Variants in TTC7B observed in about 807,000 individuals in gnomAD.
The protein encoded by TTC7B is tetratricopeptide repeat protein 7B.
In TTC7B, 28 loss-of-function variants were observed where a neutral mutation model predicts 106.8. The observed-to-expected ratio is 0.26, with a 90% CI of 0.19 to 0.36. The LOEUF (loss-of-function observed/expected upper bound fraction) is 0.36, where lower values mean the gene tolerates loss of function less well. TTC7B is among the 10% of genes least tolerant of loss of function. The pLI, the probability that TTC7B is intolerant of heterozygous loss-of-function variation, is 1.00. For missense variants in TTC7B, 862 were observed against 1,076.4 expected (o/e 0.80, Z 2.79); for synonymous variants, 405 against 430.6 (o/e 0.94, Z 0.74).
chr14:90,665,836 C>T (rs779387649), intron 9 of TTC7B, among the ~76,000 whole-genome samples: 103 of 152,304 alleles, frequency 6.8e-4, no homozygotes, highest in East Asian at 1.3e-3. Flanking sequence ...GTATACTTCA[C>T]GAGTCAGTTA....
chr14:90,545,604 G>A (rs1445359068), intron 19 of TTC7B, among the ~76,000 whole-genome samples: 1 of 152,226 alleles, frequency 6.6e-6, no homozygotes, highest in East Asian at 1.9e-4. Flanking sequence ...GGAGGACCAG[G>A]GCCTTGGCCC....
At position 90,808,839 on chromosome 14, in the gene TTC7B, C is replaced by T. The variant is rs2030743226; in HGVS notation, c.121+7336G>A. On this transcript the variant is annotated intron_variant, in intron 1 of 19. Transcript: ENST00000328459. The surrounding 1 kb of genome is among the most constrained non-coding windows in gnomAD (Gnocchi z 4.2). The stretch of plus-strand genomic sequence containing the variant: ...GGGGCAGGAATCCACCCACGTGTGG[C>T]CAACGTGAATAAGAACCAAAGGCCA... 6.6e-6 allele frequency among the ~76,000 whole-genome samples: 1 copy of T among 152,222 alleles called. No homozygotes were observed. The highest frequency in any genetic ancestry group is 1.5e-5 in the Non-Finnish European group (1 of 68,042).
intron 5 of TTC7B, among the ~76,000 whole-genome samples, chr14:90,707,729 C>G (rs1566847635): frequency 6.6e-6 from 1 of 152,184 alleles, no homozygotes. Flanking sequence ...TAATCTAGAG[C>G]AAGGCCCTAA....
chr14:90,761,570 T>A (rs1890503601), intron 3 of TTC7B, among the ~76,000 whole-genome samples: 1 of 152,150 alleles, frequency 6.6e-6, no homozygotes, highest in African/African-American at 2.4e-5. Flanking sequence ...CCATCACCCA[T>A]GTGGCACAGC....
At position 90,624,107 on chromosome 14, in the gene TTC7B, T is replaced by TGCGCGC. The variant is rs1186043100; in HGVS notation, c.1752-6063_1752-6062insGCGCGC. Among the ~76,000 whole-genome samples, 1 of 151,510 alleles carries TGCGCGC rather than the reference T, an allele frequency of 6.6e-6. No homozygotes were observed. Among genetic ancestry groups the TGCGCGC allele is most frequent in the African/African-American group, 2.4e-5 (1 of 41,430 alleles). ...GTGCGTGTATATGTGTGCATGTGTG[T>TGCGCGC]GTGCGCGTGCGCGTGTGTGTGTTTT... On this transcript the variant is annotated intron_variant, in intron 15 of 19. Coordinates refer to ENST00000328459, the MANE Select transcript of TTC7B (RefSeq NM_001010854.2). The surrounding 1 kb of genome is among the most constrained non-coding windows in gnomAD (Gnocchi z 4.0).
At chr14:90,707,917 C>A (rs779690675) in intron 5 of TTC7B, among the ~76,000 whole-genome samples, 3 of 152,022 alleles carry the variant, frequency 2.0e-5, no homozygotes, top group African/African-American at 4.8e-5. Context: ...GAGGCCGAGG[C>A]GGGCGGATCA....
chr14:90,548,423 C>G (rs1218923452), intron 19 of TTC7B, among the ~76,000 whole-genome samples: 1 of 152,208 alleles, frequency 6.6e-6, no homozygotes, highest in East Asian at 1.9e-4. Context: ...ACAAGTAAAC[C>G]TGGGAGGACA....
chr14:90,752,180 T>C (rs868249226), intron 3 of TTC7B, among the ~76,000 whole-genome samples: 11 of 152,100 alleles, frequency 7.2e-5, no homozygotes, highest in African/African-American at 2.2e-4. Context: ...ACTAACAGAA[T>C]ATAGTATAAC....
chr14:90,738,951 C>T (rs960492176), intron 4 of TTC7B, among the ~76,000 whole-genome samples: 4 of 152,042 alleles, frequency 2.6e-5, no homozygotes, highest in African/African-American at 7.2e-5. Context: ...CTTCGGCCTG[C>T]GAGGTTAAAG....
intron 12 of TTC7B, among the ~76,000 whole-genome samples, chr14:90,654,525 A>G (rs1366115849): frequency 6.6e-6 from 1 of 152,170 alleles, no homozygotes; most frequent in Non-Finnish European, 1.5e-5. Flanking sequence ...CTGCACATGT[A>G]CATATCTACA....
rs115880300 is a variant in TTC7B, at chr14:90,690,603, A to T, written c.778-891T>A. On this transcript the variant is annotated intron_variant, in intron 6 of 19. Transcript: ENST00000328459. ...TAACAAAGAAGAGGATAAGTAATTT[A>T]AAAAAAAATCCCTCTGAAAAGAGAA... Among the ~76,000 whole-genome samples the T allele has an allele frequency of 9.1e-3, 1,379 of 151,714 alleles. 22 individuals carry two copies. The highest frequency in any genetic ancestry group is 0.032 in the African/African-American group (1,321 of 41,326).
At chr14:90,696,851 A>G (rs1397243526) in intron 5 of TTC7B, among the ~76,000 whole-genome samples, 1 of 152,232 alleles carries the variant, frequency 6.6e-6, no homozygotes, top group African/African-American at 2.4e-5. Flanking sequence ...AGAGACGTGA[A>G]TAAAGATTAG....
intron 4 of TTC7B, among the ~76,000 whole-genome samples, chr14:90,741,089 C>T (rs1325010285): frequency 1.3e-5 from 2 of 152,170 alleles, no homozygotes; most frequent in African/African-American, 4.8e-5. Flanking sequence ...CTAAAGGGGG[C>T]AAGGCCAGGG....
At chr14:90,602,089 T>TTAAGGGA in intron 17 of TTC7B, 1 of 455,926 alleles carries the variant, frequency 2.2e-6, no homozygotes, top group Non-Finnish European at 4.4e-6. Context: ...GAATCAACTC[T>TTAAGGGA]TAAGGGTGAG....
intron 15 of TTC7B, among the ~76,000 whole-genome samples, chr14:90,633,176 G>C (rs1173365128): frequency 6.6e-6 from 1 of 152,190 alleles, no homozygotes; most frequent in Non-Finnish European, 1.5e-5. Context: ...TGTGCATACA[G>C]CATCATGATC....
chr14:90,680,403 G>C, intron 8 of TTC7B, 69 bp downstream of exon 8: 1 of 1,167,206 alleles, frequency 8.6e-7, no homozygotes, highest in Non-Finnish European at 1.3e-6. Flanking sequence ...GATACTGGCA[G>C]AATGGCTATA....
chr14:90,544,999 G>A (rs1166201878), intron 19 of TTC7B, among the ~76,000 whole-genome samples: 1 of 152,196 alleles, frequency 6.6e-6, no homozygotes, highest in Non-Finnish European at 1.5e-5. Context: ...CAAGTGGAGG[G>A]TTTTTCCCCA....
At chr14:90,662,026 C>T (rs1886228281) in intron 9 of TTC7B, among the ~76,000 whole-genome samples, 1 of 152,170 alleles carries the variant, frequency 6.6e-6, no homozygotes, top group South Asian at 2.1e-4. Flanking sequence ...AGTAGAATCA[C>T]GGGATCCTGT....
intron 9 of TTC7B, among the ~76,000 whole-genome samples, chr14:90,667,984 A>G (rs1184981599): frequency 1.3e-5 from 2 of 152,182 alleles, no homozygotes; most frequent in East Asian, 1.9e-4. Context: ...ACACATATGC[A>G]TAGTGGCCTG....
Sources: allele counts gnomAD v4.1 joint callset (sites outside exome capture counted in the v4.1 genomes callset), GRCh38; gene constraint gnomAD v4.1.1; non-coding constraint Gnocchi (gnomAD v3.1); transcripts MANE v1.5; gene names NCBI Gene and HGNC (gene_info 2026-07-23, HGNC 2026-07-21).